GK: variants seen among roughly 807,000 people sequenced by gnomAD.
The protein encoded by GK is glycerol kinase.
In GK, 9 loss-of-function variants were observed where a neutral mutation model predicts 56.4. The observed-to-expected ratio is 0.16, with a 90% CI of 0.10 to 0.28. GK has a LOEUF of 0.28. Among genes scored for constraint, GK ranks in the 10% least tolerant of loss-of-function variants. The pLI is 1.00. For missense variants in GK, 161 were observed against 431.4 expected (o/e 0.37, Z 5.55); for synonymous variants, 104 against 144.1 (o/e 0.72, Z 1.99).
chrX:30,715,421 C>A (rs1936567552), intron 13 of GK, among the ~76,000 whole-genome samples: 1 of 111,858 alleles, frequency 8.9e-6, no homozygotes, highest in Non-Finnish European at 1.9e-5. Flanking sequence ...ATTTATTATT[C>A]TTTACACCCT....
chrX:30,704,126 T>C (rs1935847049), intron 11 of GK, among the ~76,000 whole-genome samples: 1 of 33,239 alleles, frequency 3.0e-5, no homozygotes, highest in East Asian at 9.8e-4. Context: ...CAGTTATTCA[T>C]TTTATATATA....
intron 4 of GK, among the ~76,000 whole-genome samples, chrX:30,680,476 T>C (rs1436121433): frequency 8.9e-6 from 1 of 111,857 alleles, no homozygotes; most frequent in African/African-American, 3.3e-5. Flanking sequence ...TGCAGTGTAG[T>C]GTAGACTTAA....
chrX:30,700,708 G>T, intron 10 of GK, 130 bp from the exon 11 acceptor site: 1 of 546,222 alleles, frequency 1.8e-6, no homozygotes, highest in Non-Finnish European at 3.1e-6. Flanking sequence ...ATGGCCAAAT[G>T]GAGAAAATGC....
At chrX:30,698,292 A>G (rs1237268597) in intron 9 of GK, 2 of 113,991 alleles carry the variant, frequency 1.8e-5, no homozygotes, top group Non-Finnish European at 3.7e-5. Context: ...TAATACTTAA[A>G]TATATCAAGA....
At chrX:30,678,271 A>G (rs1002662132) in intron 4 of GK, among the ~76,000 whole-genome samples, 5 of 112,306 alleles carry the variant, frequency 4.5e-5, no homozygotes, top group African/African-American at 1.6e-4. Flanking sequence ...CAAATATACC[A>G]CTTTTAGGTA....
chrX:30,678,028 G>C lies in GK; in HGVS notation c.337+576G>C, dbSNP rs943086253. The C allele has an allele frequency of 5.5e-6, 3 of 544,837 alleles. No homozygotes were observed. In the Admixed American group the frequency reaches 7.3e-5, roughly 13 times the overall value. 44.9% of individuals were successfully genotyped at this position (544,837 alleles called of 1,213,427 possible). The stretch of plus-strand genomic sequence containing the variant: ...CAAATGAGTGAATGTTTGCCAAATT[G>C]TTTTATAACCCCTGCTGTTTGTGAC... On this transcript the variant is annotated intron_variant, in intron 4 of 20. Coordinates refer to ENST00000427190, the MANE Select transcript of GK (RefSeq NM_001205019.2).
chrX:30,696,175 A>G (rs1288866600), intron 7 of GK, 24 bp downstream of exon 7: 8 of 865,180 alleles, frequency 9.2e-6, no homozygotes, highest in South Asian at 2.1e-5. Flanking sequence ...TGCTCTAAAT[A>G]TAGTTTTCCC....
In GK at chrX:30,677,390, A is replaced by G. The variant is rs777107192; in HGVS notation, c.275A>G (p.Asn92Ser). 1 of 1,154,457 alleles carries G rather than the reference A, an allele frequency of 8.7e-7. No individual in the cohort carries two copies. The highest frequency in any genetic ancestry group is 3.0e-5 in the East Asian group (1 of 33,617). Reference protein sequence around the residue: ...ISNIKAIGVSNQRETTVVWDK... With the variant: ...ISNIKAIGVSSQRETTVVWDK... Reference sequence around the variant, plus strand: ...CTCTTTAAAGCTATTGGTGTCAGCAACCAGAGGGAAACCACTGTAGTCTGG... The same window carrying G: ...CTCTTTAAAGCTATTGGTGTCAGCAGCCAGAGGGAAACCACTGTAGTCTGG... The change falls in exon 4 of 21, where the codon AAC becomes AGC. Residue 92 changes from asparagine (N) to serine (S), a missense_variant. Transcript: ENST00000427190.
At chrX:30,700,282 T>C in intron 9 of GK, 132 bp from the exon 10 acceptor site, 1 of 465,538 alleles carries the variant, frequency 2.1e-6, no homozygotes, top group Admixed American at 3.1e-5. Context: ...ATTCATTTAG[T>C]TGAAATGCTT....
chrX:30,658,428 G>A (rs1227576015), intron 1 of GK, among the ~76,000 whole-genome samples: 2 of 111,037 alleles, frequency 1.8e-5, no homozygotes, highest in South Asian at 7.5e-4. Flanking sequence ...CAATTCTCCT[G>A]CCTCAGCCTA....
At chrX:30,696,875 T>G (rs1398425483) in intron 8 of GK, 192 bp downstream of exon 8, 3 of 435,276 alleles carry the variant, frequency 6.9e-6, no homozygotes, top group Non-Finnish European at 1.2e-5. Flanking sequence ...TAAACTTTAA[T>G]TGGTTTTTCT....
intron 4 of GK, among the ~76,000 whole-genome samples, chrX:30,686,299 C>T (rs769952732): frequency 8.9e-6 from 1 of 112,661 alleles, no homozygotes; most frequent in Admixed American, 9.4e-5. Context: ...TAGCTTTTGA[C>T]AAATAGTAAA....
At chrX:30,674,159 C>T (rs1309430517) in intron 3 of GK, 1 of 275,379 alleles carries the variant, frequency 3.6e-6, no homozygotes, top group Non-Finnish European at 7.0e-6. Flanking sequence ...AACTATTATT[C>T]TCTCCATTTT....
intron 1 of GK, among the ~76,000 whole-genome samples, chrX:30,663,013 G>T (rs1265001045): frequency 9.1e-6 from 1 of 109,946 alleles, no homozygotes; most frequent in Admixed American, 9.9e-5. Flanking sequence ...CTCCTGAGTA[G>T]CTGGGATTAC....
intron 4 of GK, among the ~76,000 whole-genome samples, chrX:30,683,569 G>A (rs1934414705): frequency 9.0e-6 from 1 of 111,630 alleles, no homozygotes; most frequent in South Asian, 3.8e-4. Context: ...GGTAAAGACT[G>A]AGAAGGGCTA....
At chrX:30,682,138 A>G (rs1177724871) in intron 4 of GK, among the ~76,000 whole-genome samples, 3 of 111,784 alleles carry the variant, frequency 2.7e-5, no homozygotes, top group Non-Finnish European at 5.6e-5. Context: ...GGGGGTACCA[A>G]CCTGAGAGAA....
chrX:30,692,504 G>C (rs1204585640), intron 5 of GK, among the ~76,000 whole-genome samples: 1 of 109,044 alleles, frequency 9.2e-6, no homozygotes, highest in Non-Finnish European at 1.9e-5. Context: ...TTCGAGACAG[G>C]GTCTCACTCT....
In GK at chrX:30,728,818, G is replaced by A; in HGVS notation, c.*76G>A. The stretch of plus-strand genomic sequence containing the variant: ...GAACCCAGCAATTCTGTCTCTTAAT[G>A]CAATGACACTATTCATAGACTTTGA... On this transcript the variant is annotated 3_prime_UTR_variant, in exon 21 of 21. Coordinates refer to ENST00000427190, the MANE Select transcript of GK (RefSeq NM_001205019.2). 5.7e-6 allele frequency: 4 copies of A among 705,844 alleles called. No homozygotes were observed. The highest frequency in any genetic ancestry group is 9.2e-6 in the Non-Finnish European group (4 of 436,404). 58.2% of individuals were successfully genotyped at this position (705,844 alleles called of 1,213,427 possible).
chrX:30,658,388 T>C (rs1271706826), intron 1 of GK, among the ~76,000 whole-genome samples: 2 of 110,968 alleles, frequency 1.8e-5, no homozygotes, highest in South Asian at 3.8e-4. Context: ...CGATCTCAGC[T>C]CACTGCACCC....
Sources: allele counts gnomAD v4.1 joint callset (sites outside exome capture counted in the v4.1 genomes callset), GRCh38; gene constraint gnomAD v4.1.1; transcripts MANE v1.5; gene names NCBI Gene and HGNC (gene_info 2026-07-23, HGNC 2026-07-21).